Variants in PPP6C observed in about 807,000 individuals in gnomAD.
PPP6C encodes serine/threonine-protein phosphatase 6 catalytic subunit.
PPP6C carries 11 observed loss-of-function variants against 39.8 expected under a neutral mutation model. The observed-to-expected ratio is 0.28, with a 90% CI of 0.17 to 0.46. PPP6C has a LOEUF of 0.46. PPP6C is among the 20% of genes least tolerant of loss of function. The pLI, the probability that PPP6C is intolerant of heterozygous loss-of-function variation, is 1.00. For synonymous variants in PPP6C, 129 were observed against 130.3 expected (o/e 0.99, Z 0.07); for missense variants, 211 against 373.9 (o/e 0.56, Z 3.59).
Position 125,158,310 on chromosome 9 carries a change from G to A in PPP6C, c.310C>T (p.Pro104Ser). 2 of 1,611,314 alleles carry A rather than the reference G, an allele frequency of 1.2e-6. No homozygotes were observed. Among genetic ancestry groups the A allele is most frequent in the Non-Finnish European group, 1.7e-6 (2 of 1,177,556 alleles). The change falls in exon 4 of 7, where the codon CCT becomes TCT. Residue 104 changes from proline (P) to serine (S), a missense_variant. Pro to Ser is a moderately conservative substitution (Grantham distance 74, BLOSUM62 -1). Coordinates refer to ENST00000373547, the MANE Select transcript of PPP6C (RefSeq NM_002721.5). ...CCTCGCAAAAGTGTAATACGATCAG[G>A]CCATTTAGCCTTTAATGCAAGAAGG... ...TYLLALKAKW[P>S]DRITLLRGNH...
intron 2 of PPP6C, among the ~76,000 whole-genome samples, chr9:125,166,593 T>C (rs1829019481): frequency 6.8e-6 from 1 of 147,050 alleles, no homozygotes; most frequent in South Asian, 2.2e-4. Context: ...AGTGCAATGG[T>C]GAGATCTCAG....
At chr9:125,183,703 T>C (rs956277369) in intron 1 of PPP6C, among the ~76,000 whole-genome samples, 39 of 152,226 alleles carry the variant, frequency 2.6e-4, no homozygotes, top group African/African-American at 9.2e-4. Flanking sequence ...ATGGTGTTTA[T>C]TCTGTTTGCA....
Position 125,149,626 on chromosome 9 carries a change from G to C in PPP6C, c.*47C>G, listed in dbSNP as rs1243628320. 2 of 1,588,598 alleles carry C rather than the reference G, an allele frequency of 1.3e-6. No individual in the cohort carries two copies. The highest frequency in any genetic ancestry group is 1.7e-4 in the Middle Eastern group (1 of 5,938). ...TGTAGAGGGTAATACAAGAAAATTG[G>C]GGTAAGAAGAGGGCAGAAAAATGGG... On this transcript the variant is annotated 3_prime_UTR_variant, in exon 7 of 7. Coordinates refer to ENST00000373547, the MANE Select transcript of PPP6C (RefSeq NM_002721.5).
intron 1 of PPP6C, among the ~76,000 whole-genome samples, chr9:125,182,054 T>G (rs538912032): frequency 2.0e-5 from 3 of 152,332 alleles, no homozygotes; most frequent in African/African-American, 7.2e-5. Context: ...TAATGACCAG[T>G]GCTCTTTTTC....
At chr9:125,181,816 C>T (rs1173055742) in intron 1 of PPP6C, among the ~76,000 whole-genome samples, 2 of 152,092 alleles carry the variant, frequency 1.3e-5, no homozygotes, top group African/African-American at 2.4e-5. Context: ...GGGTATATAC[C>T]CAGTAATGGG....
At chr9:125,154,968 C>T (rs745632177) in intron 4 of PPP6C, among the ~76,000 whole-genome samples, 13 of 152,154 alleles carry the variant, frequency 8.5e-5, no homozygotes, top group Admixed American at 1.3e-4. Context: ...TCAGCAGTGG[C>T]GCGATCACAG....
intron 1 of PPP6C, among the ~76,000 whole-genome samples, chr9:125,185,966 C>T (rs993906413): frequency 4.6e-5 from 7 of 152,044 alleles, no homozygotes; most frequent in African/African-American, 1.5e-4. Flanking sequence ...CCCTGAGCAA[C>T]AAGAGCGAAC....
At chr9:125,179,898 C>T (rs1462564132) in intron 1 of PPP6C, among the ~76,000 whole-genome samples, 1 of 152,020 alleles carries the variant, frequency 6.6e-6, no homozygotes, top group African/African-American at 2.4e-5. Flanking sequence ...TCAGGTGATC[C>T]ACCCGCCTCA....
At chr9:125,182,662 T>C (rs1829442311) in intron 1 of PPP6C, among the ~76,000 whole-genome samples, 1 of 148,990 alleles carries the variant, frequency 6.7e-6, no homozygotes, top group Admixed American at 6.8e-5. Flanking sequence ...CAGATCAGAG[T>C]TTCTCAACCA....
chr9:125,188,891 T>C, intron 1 of PPP6C: 1 of 1,539,272 alleles, frequency 6.5e-7, no homozygotes, highest in Non-Finnish European at 8.8e-7. Flanking sequence ...TTACTCTTAC[T>C]TGGACTCAGG....
At chr9:125,172,145 G>A in intron 1 of PPP6C, 1 of 337,370 alleles carries the variant, frequency 3.0e-6, no homozygotes, top group African/African-American at 2.2e-5. Context: ...TTTATGTTGA[G>A]TGAAAAAAAT....
At chr9:125,164,817 C>T (rs1286918321) in intron 2 of PPP6C, among the ~76,000 whole-genome samples, 1 of 152,124 alleles carries the variant, frequency 6.6e-6, no homozygotes, top group Non-Finnish European at 1.5e-5. Context: ...CGGCTCACTG[C>T]AACCTCCACC....
intron 1 of PPP6C, among the ~76,000 whole-genome samples, chr9:125,181,346 T>A (rs1055620402): frequency 6.6e-5 from 10 of 152,180 alleles, no homozygotes; most frequent in African/African-American, 2.4e-5. Context: ...TTATTTATTT[T>A]TTATTATACT....
intron 2 of PPP6C, among the ~76,000 whole-genome samples, chr9:125,165,276 G>A (rs540010935): frequency 2.2e-4 from 33 of 152,122 alleles, no homozygotes; most frequent in South Asian, 1.5e-3. Flanking sequence ...ACTCACACCT[G>A]TAATCCCAGC....
chr9:125,162,235 A>C (rs1420357038), intron 2 of PPP6C, among the ~76,000 whole-genome samples: 2 of 152,076 alleles, frequency 1.3e-5, no homozygotes, highest in African/African-American at 2.4e-5. Context: ...AGGCAGGCAG[A>C]TCACTTGAGG....
chr9:125,167,027 G>A (rs990696641), intron 2 of PPP6C, among the ~76,000 whole-genome samples: 2 of 152,056 alleles, frequency 1.3e-5, no homozygotes, highest in Non-Finnish European at 2.9e-5. Context: ...AGCCTCTTGA[G>A]GAGCTAGGAC....
chr9:125,185,556 T>C lies in PPP6C; in HGVS notation c.75+4088A>G, dbSNP rs939675092. ...TAAAAATACAAAAATTAGCCAGGAG[T>C]GGTGGTGGGTGCCTGTAATCCCAGC... is the stretch of plus-strand genomic sequence containing the variant. On this transcript the variant is annotated intron_variant, in intron 1 of 6. Transcript: ENST00000373547. Among the ~76,000 whole-genome samples, 2 of 145,886 alleles carry C rather than the reference T, an allele frequency of 1.4e-5. 1 individual carries two copies. Among genetic ancestry groups the C allele is most frequent in the African/African-American group, 5.2e-5 (2 of 38,562 alleles).
rs1233505018 is a variant in PPP6C at position 125,149,311 on chromosome 9, C to A, written c.*362G>T. 5.8e-6 allele frequency: 1 copy of A among 171,514 alleles called. No homozygotes were observed. The highest frequency in any genetic ancestry group is 1.2e-5 in the Non-Finnish European group (1 of 80,684). The allele number at this position is 171,514 out of a possible 1,614,324, so 10.6% of individuals were successfully genotyped here. A position where few individuals can be genotyped will look rare whatever the true frequency, so the allele number is the denominator to read the frequency against. On this transcript the variant is annotated 3_prime_UTR_variant, in exon 7 of 7. Transcript: ENST00000373547. ...AACTAAAACAAAAGGCTGAATGATA[C>A]AAAAGGAGGAGTATTTAGGTGTAAT...
chr9:125,163,078 C>CA (rs1022750029), intron 2 of PPP6C, among the ~76,000 whole-genome samples: 118 of 134,844 alleles, frequency 8.8e-4, no homozygotes, highest in Admixed American at 2.6e-3. Context: ...GACTCTGTCT[C>CA]AAAAAAAAAA....
Sources: allele counts gnomAD v4.1 joint callset (sites outside exome capture counted in the v4.1 genomes callset), GRCh38; gene constraint gnomAD v4.1.1; transcripts MANE v1.5; gene names NCBI Gene and HGNC (gene_info 2026-07-23, HGNC 2026-07-21).